Variants in RSRC1 observed in about 807,000 individuals in gnomAD.
The protein encoded by RSRC1 is serine/Arginine-related protein 53.
A neutral mutation model predicts 49.1 loss-of-function variants in RSRC1; 39 were observed. That is an observed-to-expected ratio of 0.79 (90% CI 0.61 to 1.04). The LOEUF is 1.04. Among genes scored for constraint, RSRC1 ranks in the 50% least tolerant of loss-of-function variants. RSRC1 has a pLI of 0.00. For missense variants in RSRC1, 388 were observed against 402.4 expected (o/e 0.96, Z 0.31); for synonymous variants, 143 against 130.8 (o/e 1.09, Z -0.63).
chr3:158,522,137 A>T (rs1188718998), intron 7 of RSRC1, among the ~76,000 whole-genome samples: 1 of 152,136 alleles, frequency 6.6e-6, no homozygotes, highest in Non-Finnish European at 1.5e-5. Context: ...TAATTGAAAA[A>T]ATTAGCTTTG....
chr3:158,274,982 A>G (rs1173011608), intron 4 of RSRC1, among the ~76,000 whole-genome samples: 1 of 152,192 alleles, frequency 6.6e-6, no homozygotes, highest in Non-Finnish European at 1.5e-5. Context: ...CAGCAATGTG[A>G]CTGAAGGGTT....
chr3:158,498,146 A>G lies in RSRC1; in HGVS notation c.652+37143A>G, dbSNP rs138328495. 2.0e-3 allele frequency among the ~76,000 whole-genome samples: 310 copies of G among 152,158 alleles called. 4 individuals carry two copies. Among genetic ancestry groups the G allele is most frequent in the African/African-American group, 7.1e-3 (296 of 41,516 alleles). On this transcript the variant is annotated intron_variant, in intron 7 of 9. Transcript: ENST00000611884. ...ACCTTTAGTTCTTTAAGGAATCTCC[A>G]TGCTGTTTTCCATAGCAGCTGTATT...
intron 7 of RSRC1, among the ~76,000 whole-genome samples, chr3:158,466,374 A>G (rs756664557): frequency 4.6e-5 from 7 of 152,220 alleles, no homozygotes; most frequent in Admixed American, 2.6e-4. Context: ...GTGACTGGCT[A>G]TCGTGTGTTT....
chr3:158,414,651 G>A (rs1734648132), intron 6 of RSRC1, among the ~76,000 whole-genome samples: 1 of 152,012 alleles, frequency 6.6e-6, no homozygotes, highest in Admixed American at 6.6e-5. Context: ...GAGCCCAGGA[G>A]CTGGAGATTG....
In RSRC1 at chr3:158,247,824, C is replaced by T. The variant is rs114384553; in HGVS notation, c.494+44579C>T. Among the ~76,000 whole-genome samples the T allele has an allele frequency of 7.1e-3, 1,087 of 152,274 alleles. 17 individuals are homozygous for T. The highest frequency in any genetic ancestry group is 0.025 in the African/African-American group (1,053 of 41,554). ...TTGCCATCCTGAATGCACCACTTCC[C>T]TTGGCTGTGAGTAGATGTTCCCTTA... On this transcript the variant is annotated intron_variant, in intron 4 of 9. Coordinates refer to ENST00000611884, the MANE Select transcript of RSRC1 (RefSeq NM_001271838.2).
chr3:158,514,688 C>T (rs979095503), intron 7 of RSRC1, among the ~76,000 whole-genome samples: 12 of 151,902 alleles, frequency 7.9e-5, no homozygotes, highest in African/African-American at 2.7e-4. Flanking sequence ...CTCTCTGTCT[C>T]GTTGATCTGT....
At chr3:158,342,994 T>C (rs1730341663) in intron 5 of RSRC1, among the ~76,000 whole-genome samples, 2 of 152,146 alleles carry the variant, frequency 1.3e-5, no homozygotes, top group Non-Finnish European at 2.9e-5. Context: ...GGCCAAAGCA[T>C]CTGGGATTCA....
At chr3:158,421,274 C>T (rs574110984) in intron 6 of RSRC1, among the ~76,000 whole-genome samples, 1 of 151,930 alleles carries the variant, frequency 6.6e-6, no homozygotes, top group East Asian at 1.9e-4. Flanking sequence ...GATTCGTGGC[C>T]TTATAAGCCA....
At chr3:158,330,936 G>T (rs1729506179) in intron 5 of RSRC1, among the ~76,000 whole-genome samples, 1 of 151,888 alleles carries the variant, frequency 6.6e-6, no homozygotes, top group Non-Finnish European at 1.5e-5. Flanking sequence ...ATGTGGCTGG[G>T]GAGGCCTCAC....
intron 4 of RSRC1, among the ~76,000 whole-genome samples, chr3:158,235,231 G>C (rs1251432151): frequency 6.6e-6 from 1 of 151,630 alleles, no homozygotes; most frequent in Admixed American, 6.6e-5. Flanking sequence ...TTTACATTCT[G>C]TCCCAGTCTC....
chr3:158,194,720 C>A lies in RSRC1; in HGVS notation c.321-8352C>A, dbSNP rs529665983. Among the ~76,000 whole-genome samples, 12 of 145,198 alleles carry A rather than the reference C, an allele frequency of 8.3e-5. No homozygotes were observed. The East Asian group carries it at 2.5e-3, about 31-fold the overall frequency. ...GTCCGTGTGTTCTCATTGTTCAATTCCCACCTATGAGTAAGAACATGTGCT... is the reference window on the plus strand; with the variant it reads ...GTCCGTGTGTTCTCATTGTTCAATTACCACCTATGAGTAAGAACATGTGCT... On this transcript the variant is annotated intron_variant, in intron 3 of 9. Transcript: ENST00000611884.
Position 158,331,160 on chromosome 3 carries a change from G to A in RSRC1, c.532-23697G>A, listed in dbSNP as rs546428185. On this transcript the variant is annotated intron_variant, in intron 5 of 9. Coordinates refer to ENST00000611884, the MANE Select transcript of RSRC1 (RefSeq NM_001271838.2). Reference sequence around the variant, plus strand: ...TATGAGAGCTACAATTTGAGATTTGGTGTTGGGCTCAGAGGGTGAGGGGAA... The same window carrying A: ...TATGAGAGCTACAATTTGAGATTTGATGTTGGGCTCAGAGGGTGAGGGGAA... Among the ~76,000 whole-genome samples the A allele has an allele frequency of 1.1e-4, 16 of 152,310 alleles. No individual in the cohort carries two copies. In the East Asian group the frequency reaches 2.7e-3, roughly 26 times the overall value.
chr3:158,226,519 A>G (rs1002678246), intron 4 of RSRC1, among the ~76,000 whole-genome samples: 1 of 151,892 alleles, frequency 6.6e-6, no homozygotes, highest in African/African-American at 2.4e-5. Context: ...CCTTGGTTCA[A>G]GAGATAACAG....
intron 6 of RSRC1, among the ~76,000 whole-genome samples, chr3:158,430,723 A>G (rs1735733813): frequency 6.6e-6 from 1 of 151,932 alleles, no homozygotes; most frequent in Admixed American, 6.6e-5. Context: ...CCACACTATG[A>G]GCATATTGAG....
intron 6 of RSRC1, among the ~76,000 whole-genome samples, chr3:158,384,842 G>A (rs1366728630): frequency 6.6e-6 from 1 of 152,054 alleles, no homozygotes; most frequent in Non-Finnish European, 1.5e-5. Context: ...CAACCTATGT[G>A]ATGTAGTCCA....
At chr3:158,132,458 C>T (rs1475137946) in intron 3 of RSRC1, among the ~76,000 whole-genome samples, 1 of 152,032 alleles carries the variant, frequency 6.6e-6, no homozygotes, top group Non-Finnish European at 1.5e-5. Context: ...TTTCTGGTAC[C>T]CTTTTCTCGA....
intron 3 of RSRC1, among the ~76,000 whole-genome samples, chr3:158,125,333 T>A (rs1452593990): frequency 2.0e-5 from 3 of 152,078 alleles, no homozygotes; most frequent in Non-Finnish European, 4.4e-5. Context: ...AGACTTTTCT[T>A]TTTTTCTTAA....
intron 1 of RSRC1, among the ~76,000 whole-genome samples, chr3:158,115,338 C>G (rs1714729539): frequency 6.6e-6 from 1 of 151,818 alleles, no homozygotes; most frequent in Non-Finnish European, 1.5e-5. Context: ...ATCTGTGTCC[C>G]TTCCTTTTTT....
intron 3 of RSRC1, among the ~76,000 whole-genome samples, chr3:158,198,820 A>G (rs1720835089): frequency 6.6e-6 from 1 of 152,156 alleles, no homozygotes. Flanking sequence ...CCCCGCAAGA[A>G]ATTTCTTAAT....
Sources: gnomAD v4.1 joint callset for allele counts (sites outside exome capture counted in the v4.1 genomes callset) on GRCh38, gnomAD v4.1.1 for gene constraint, MANE v1.5 for transcripts, NCBI Gene and HGNC (gene_info 2026-07-23, HGNC 2026-07-21) for gene names.